KCNIP4: variants seen among roughly 807,000 people sequenced by gnomAD.
KCNIP4 encodes the protein Kv channel-interacting protein 4.
In KCNIP4, 12 loss-of-function variants were observed where a neutral mutation model predicts 34.0. The ratio of observed to expected loss-of-function variants is 0.35; its 90% confidence interval spans 0.23 to 0.57. The LOEUF is 0.57. Ranked by LOEUF, KCNIP4 falls within the 20% of genes least tolerant of loss-of-function variation. The pLI is 0.83. For missense variants in KCNIP4, 238 were observed against 311.7 expected (o/e 0.76, Z 1.78); for synonymous variants, 124 against 102.2 (o/e 1.21, Z -1.29).
chr4:21,878,025 A>G (rs754922543), intron 1 of KCNIP4, among the ~76,000 whole-genome samples: 1 of 152,094 alleles, frequency 6.6e-6, no homozygotes, highest in Admixed American at 6.6e-5. Context: ...ACACTTTTGT[A>G]TGTGTGTGTT....
chr4:21,825,848 A>C (rs1225221978), intron 1 of KCNIP4, among the ~76,000 whole-genome samples: 1 of 152,178 alleles, frequency 6.6e-6, no homozygotes, highest in Non-Finnish European at 1.5e-5. Context: ...AGTTCTGTGA[A>C]TAAAACAAAA....
chr4:21,346,252 T>C, intron 1 of KCNIP4, among the ~76,000 whole-genome samples: 1 of 116,416 alleles, frequency 8.6e-6, no homozygotes, highest in African/African-American at 3.2e-5. Flanking sequence ...ATATTATATA[T>C]ATAATTCTAT....
chr4:21,926,870 T>C (rs879277030), intron 1 of KCNIP4, among the ~76,000 whole-genome samples: 1 of 152,196 alleles, frequency 6.6e-6, no homozygotes, highest in African/African-American at 2.4e-5. Context: ...CAGATAACCC[T>C]GTGGCCAGGT....
chr4:20,789,294 G>T (rs902022119), intron 3 of KCNIP4, among the ~76,000 whole-genome samples: 1 of 151,910 alleles, frequency 6.6e-6, no homozygotes, highest in Admixed American at 6.6e-5. Context: ...AAGAAATCTC[G>T]AAGAGATCCA....
intron 1 of KCNIP4, among the ~76,000 whole-genome samples, chr4:20,972,025 C>T (rs1735003809): frequency 6.6e-6 from 1 of 152,212 alleles, no homozygotes; most frequent in Admixed American, 6.5e-5. Flanking sequence ...AGACACTACT[C>T]CTCATTTGTT....
At chr4:21,427,127 C>T (rs1350633005) in intron 1 of KCNIP4, among the ~76,000 whole-genome samples, 1 of 147,944 alleles carries the variant, frequency 6.8e-6, no homozygotes, top group African/African-American at 2.7e-5. Context: ...GGAACCTTAA[C>T]AAGAAAAGTG....
chr4:21,601,689 T>C (rs1002133311), intron 1 of KCNIP4, among the ~76,000 whole-genome samples: 1 of 152,020 alleles, frequency 6.6e-6, no homozygotes, highest in African/African-American at 2.4e-5. Flanking sequence ...CCTCTGCCCC[T>C]TCTCTCCTTC....
Position 20,990,617 on chromosome 4 carries a change from G to A in KCNIP4, c.62-107908C>T, listed in dbSNP as rs148277649. Among the ~76,000 whole-genome samples the A allele has an allele frequency of 1.1e-4, 16 of 152,316 alleles. No homozygotes were observed. The East Asian group carries it at 2.9e-3, about 28-fold the overall frequency. ...GTATGTAATCTTCACATAAACAAAT[G>A]AGTAGACTATTTGGAAGTCCAACCA... On this transcript the variant is annotated intron_variant, in intron 1 of 8. Transcript: ENST00000382152.
At chr4:21,258,545 A>G (rs998923568) in intron 1 of KCNIP4, among the ~76,000 whole-genome samples, 2 of 152,150 alleles carry the variant, frequency 1.3e-5, no homozygotes, top group Non-Finnish European at 2.9e-5. Flanking sequence ...TCAGTTTCTT[A>G]TATCTTTAAG....
intron 1 of KCNIP4, among the ~76,000 whole-genome samples, chr4:21,793,079 C>A (rs893065684): frequency 3.9e-5 from 6 of 152,118 alleles, no homozygotes; most frequent in African/African-American, 1.4e-4. Flanking sequence ...CATTCATGGG[C>A]AGTCCCAGTT....
At chr4:21,020,136 GC>G in intron 1 of KCNIP4, among the ~76,000 whole-genome samples, 1 of 152,136 alleles carries the variant, frequency 6.6e-6, no homozygotes, top group South Asian at 2.1e-4. Context: ...TACTTATCTA[GC>G]CCTTAAAAGC....
intron 1 of KCNIP4, among the ~76,000 whole-genome samples, chr4:21,642,027 A>G (rs1746651340): frequency 6.6e-6 from 1 of 152,152 alleles, no homozygotes; most frequent in Non-Finnish European, 1.5e-5. Context: ...TACTCTGGAT[A>G]TTGATTTGCC....
intron 1 of KCNIP4, among the ~76,000 whole-genome samples, chr4:21,504,387 G>T (rs889552648): frequency 2.0e-5 from 3 of 149,930 alleles, no homozygotes; most frequent in Admixed American, 6.7e-5. Context: ...AGGATCGTTT[G>T]AACCTGGGAA....
intron 1 of KCNIP4, among the ~76,000 whole-genome samples, chr4:21,909,860 A>C (rs573317985): frequency 3.9e-5 from 6 of 152,186 alleles, no homozygotes; most frequent in East Asian, 1.9e-4. Flanking sequence ...AAGCCATCAG[A>C]TAGATCTCAT....
At chr4:20,977,621 A>G (rs568750762) in intron 1 of KCNIP4, among the ~76,000 whole-genome samples, 2 of 152,212 alleles carry the variant, frequency 1.3e-5, no homozygotes, top group South Asian at 2.1e-4. Context: ...CAGACTAATC[A>G]GTATCAAGCA....
intron 1 of KCNIP4, among the ~76,000 whole-genome samples, chr4:21,000,942 C>T (rs982805968): frequency 1.2e-4 from 18 of 152,184 alleles, no homozygotes; most frequent in African/African-American, 3.9e-4. Context: ...TTCCTCACCT[C>T]TTCCAAACCC....
chr4:21,075,861 T>G (rs1292036760), intron 1 of KCNIP4, among the ~76,000 whole-genome samples: 1 of 152,190 alleles, frequency 6.6e-6, no homozygotes, highest in Non-Finnish European at 1.5e-5. Flanking sequence ...CAGCATTTGC[T>G]TGTCTGTAAA....
At chr4:21,151,202 G>A (rs576138432) in intron 1 of KCNIP4, among the ~76,000 whole-genome samples, 12 of 152,124 alleles carry the variant, frequency 7.9e-5, no homozygotes, top group African/African-American at 2.9e-4. Flanking sequence ...GTGGATTTTA[G>A]CCATAAATCC....
Position 21,450,565 on chromosome 4 carries a change from G to C in KCNIP4, c.61+498006C>G, listed in dbSNP as rs997827567. On this transcript the variant is annotated intron_variant, in intron 1 of 8. Coordinates refer to ENST00000382152, the MANE Select transcript of KCNIP4 (RefSeq NM_025221.6). ...GAAAAAAGATGACGAAGTAAAGGGT[G>C]GGGGCAAGAGAAGGGAGAGGAGGAG... 5.3e-5 allele frequency among the ~76,000 whole-genome samples: 8 copies of C among 152,240 alleles called. No individual in the cohort carries two copies. The East Asian group carries it at 1.5e-3, about 29-fold the overall frequency.
Sources: allele counts gnomAD v4.1 joint callset (sites outside exome capture counted in the v4.1 genomes callset), GRCh38; gene constraint gnomAD v4.1.1; transcripts MANE v1.5; gene names NCBI Gene and HGNC (gene_info 2026-07-23, HGNC 2026-07-21).